The following CSMD1 variants were observed in gnomAD, a reference collection of about 807,000 sequenced individuals.
CSMD1 encodes the protein CUB and Sushi multiple domains 1.
CSMD1 carries 213 observed loss-of-function variants against 417.5 expected under a neutral mutation model. That is an observed-to-expected ratio of 0.51 (90% CI 0.46 to 0.57). The LOEUF (loss-of-function observed/expected upper bound fraction) is 0.57. CSMD1 is among the 20% of genes least tolerant of loss of function. The probability of loss-of-function intolerance (pLI) is 0.00; values close to 1 mark genes in which losing one functional copy is unlikely to be tolerated. For missense variants in CSMD1, 6,923 were observed against 4,529.7 expected, an observed-to-expected ratio of 1.53 and a Z score of -15.17; for synonymous variants, 2,862 against 1,736.8, an observed-to-expected ratio of 1.65 and a Z score of -16.11.
At chr8:4,185,587 T>C (rs1211649192) in intron 3 of CSMD1, among the ~76,000 whole-genome samples, 1 of 152,110 alleles carries the variant, frequency 6.6e-6, no homozygotes, top group Non-Finnish European at 1.5e-5. Context: ...ATCCTACCTA[T>C]CTAGTAAATG....
intron 52 of CSMD1, 63 bp from the exon 53 acceptor site, chr8:3,000,194 A>G (rs1204817916): frequency 8.1e-7 from 1 of 1,239,476 alleles, no homozygotes; most frequent in Non-Finnish European, 1.1e-6. Context: ...TAGTACATTC[A>G]CAACTTTTAT....
chr8:4,033,216 G>A (rs1797444608), intron 3 of CSMD1, among the ~76,000 whole-genome samples: 4 of 151,090 alleles, frequency 2.6e-5, no homozygotes, highest in Admixed American at 6.6e-5. Context: ...CGAGGCAGGA[G>A]GATCGTGAGG....
intron 5 of CSMD1, among the ~76,000 whole-genome samples, chr8:3,950,915 C>T (rs1811556539): frequency 6.6e-6 from 1 of 151,478 alleles, no homozygotes; most frequent in Non-Finnish European, 1.5e-5. Context: ...TAAGGAAAAC[C>T]AATATTCATA....
At chr8:3,781,641 T>C (rs911351078) in intron 5 of CSMD1, among the ~76,000 whole-genome samples, 1 of 152,228 alleles carries the variant, frequency 6.6e-6, no homozygotes, top group Non-Finnish European at 1.5e-5. Context: ...AGTTGATGAT[T>C]GTCCCTGTGA....
intron 10 of CSMD1, among the ~76,000 whole-genome samples, chr8:3,504,224 A>G (rs1796728958): frequency 6.7e-6 from 1 of 148,366 alleles, no homozygotes; most frequent in South Asian, 2.2e-4. Flanking sequence ...AGGTACAATT[A>G]TTATGTATTA....
At chr8:3,832,912 G>C (rs920611541) in intron 5 of CSMD1, among the ~76,000 whole-genome samples, 1 of 152,128 alleles carries the variant, frequency 6.6e-6, no homozygotes, top group East Asian at 1.9e-4. Context: ...AACACAAATA[G>C]GAGTACGTTT....
chr8:3,430,680 G>A (rs757120051), intron 12 of CSMD1, among the ~76,000 whole-genome samples: 2 of 152,170 alleles, frequency 1.3e-5, no homozygotes, highest in African/African-American at 2.4e-5. Flanking sequence ...GATGGCAGGT[G>A]CCTGTAATCC....
intron 2 of CSMD1, among the ~76,000 whole-genome samples, chr8:4,504,421 A>G (rs1802415676): frequency 1.3e-5 from 2 of 152,202 alleles, no homozygotes; most frequent in Non-Finnish European, 2.9e-5. Context: ...CCTACAGCTG[A>G]CAATAGTGGG....
At chr8:3,005,220 C>G (rs1585132249) in intron 52 of CSMD1, among the ~76,000 whole-genome samples, 1 of 152,294 alleles carries the variant, frequency 6.6e-6, no homozygotes. Flanking sequence ...GTGCAGTACC[C>G]TGGGTGGGAC....
intron 5 of CSMD1, among the ~76,000 whole-genome samples, chr8:3,995,294 G>C (rs1245529150): frequency 6.6e-6 from 1 of 152,188 alleles, no homozygotes; most frequent in Admixed American, 6.5e-5. Flanking sequence ...TGAAAGCTGA[G>C]AGTTCCACTT....
chr8:4,252,088 A>G (rs1181724479), intron 3 of CSMD1, among the ~76,000 whole-genome samples: 1 of 152,200 alleles, frequency 6.6e-6, no homozygotes, highest in African/African-American at 2.4e-5. Flanking sequence ...AAACTGATGA[A>G]CAAAGAAACA....
chr8:4,262,205 T>A (rs911463439), intron 3 of CSMD1, among the ~76,000 whole-genome samples: 1 of 152,216 alleles, frequency 6.6e-6, no homozygotes, highest in Non-Finnish European at 1.5e-5. Flanking sequence ...AATTTCAGCC[T>A]GTGGACTCAC....
intron 7 of CSMD1, among the ~76,000 whole-genome samples, chr8:3,625,852 G>T (rs931405680): frequency 1.3e-5 from 2 of 152,058 alleles, no homozygotes; most frequent in Non-Finnish European, 1.5e-5. Flanking sequence ...AAAACAAGTA[G>T]ATTTTTCATA....
chr8:3,582,355 G>A (rs771267029), intron 9 of CSMD1, among the ~76,000 whole-genome samples: 20 of 152,004 alleles, frequency 1.3e-4, no homozygotes, highest in Non-Finnish European at 2.4e-4. Context: ...AAATTGAGAC[G>A]CTACTTAAAA....
chr8:3,360,558 G>C (rs1019039511), intron 20 of CSMD1, among the ~76,000 whole-genome samples: 1 of 152,162 alleles, frequency 6.6e-6, no homozygotes, highest in African/African-American at 2.4e-5. Flanking sequence ...CAGCCAACTA[G>C]GAAAATATGC....
chr8:3,230,251 C>G lies in CSMD1; in HGVS notation c.4154-20G>C. 3.2e-6 allele frequency: 5 copies of G among 1,545,168 alleles called. No homozygotes were observed. The South Asian group carries it at 6.1e-5, about 19-fold the overall frequency. Reference sequence around the variant, plus strand: ...TTGAGGCTGCAAACAAAAGAGAAGGCAAGGTCACAGGCTGGAAAACATGGT... The same window carrying G: ...TTGAGGCTGCAAACAAAAGAGAAGGGAAGGTCACAGGCTGGAAAACATGGT... On this transcript the variant is annotated intron_variant, in intron 26 of 69. Coordinates refer to ENST00000635120, the MANE Select transcript of CSMD1 (RefSeq NM_033225.6).
At position 4,449,271 on chromosome 8, in the gene CSMD1, G is replaced by A. The variant is rs983469; in HGVS notation, c.303-29206C>T. 5.2e-3 allele frequency among the ~76,000 whole-genome samples: 790 copies of A among 152,230 alleles called. 10 individuals are homozygous for A. The highest frequency in any genetic ancestry group is 0.018 in the African/African-American group (764 of 41,542). On this transcript the variant is annotated intron_variant, in intron 2 of 69. Coordinates refer to ENST00000635120, the MANE Select transcript of CSMD1 (RefSeq NM_033225.6). ...CACACTCAGGTTGTAACTATTGAAAGGAAACTCAGAAATGTTTTACCAGGA... is the reference window on the plus strand; with the variant it reads ...CACACTCAGGTTGTAACTATTGAAAAGAAACTCAGAAATGTTTTACCAGGA...
At chr8:4,735,915 A>G (rs1810204106) in intron 1 of CSMD1, among the ~76,000 whole-genome samples, 2 of 152,204 alleles carry the variant, frequency 1.3e-5, no homozygotes, top group South Asian at 2.1e-4. Context: ...ACTGATGAGC[A>G]GGTAATAAGT....
chr8:3,753,977 G>T lies in CSMD1; in HGVS notation c.884C>A (p.Thr295Asn), dbSNP rs371950532. The T allele has an allele frequency of 6.2e-7, 1 of 1,613,020 alleles. No homozygotes were observed. Among genetic ancestry groups the T allele is most frequent in the Non-Finnish European group, 8.5e-7 (1 of 1,179,452 alleles). ...SSKNWLRLHF[T>N]SDSNHRRKGF... The stretch of plus-strand genomic sequence containing the variant: ...TTTGCGTCGGTGGTTGCTGTCAGAG[G>T]TGAAATGGAGTCGTAGCCAATTCTT... The change falls in exon 6 of 70, where the codon ACC (threonine) becomes AAC (asparagine). Residue 295 changes from threonine to asparagine, a missense_variant. Physicochemically the swap from Thr to Asn is moderately conservative, Grantham distance 65 (BLOSUM62 0). Coordinates refer to ENST00000635120, the MANE Select transcript of CSMD1 (RefSeq NM_033225.6).
Sources: gnomAD v4.1 joint callset for allele counts (sites outside exome capture counted in the v4.1 genomes callset) on GRCh38, gnomAD v4.1.1 for gene constraint, MANE v1.5 for transcripts, NCBI Gene and HGNC (gene_info 2026-07-23, HGNC 2026-07-21) for gene names.